CLCN5: variants seen among roughly 807,000 people sequenced by gnomAD.
CLCN5 encodes the protein Cl-/H+ antiporter 5, also known as H(+)/Cl(-) exchange transporter 5.
CLCN5 carries 17 observed loss-of-function variants against 54.0 expected under a neutral mutation model. The observed-to-expected ratio is 0.31, with a 90% CI of 0.22 to 0.47. The LOEUF (loss-of-function observed/expected upper bound fraction) is 0.47. Among genes scored for constraint, CLCN5 ranks in the 20% least tolerant of loss-of-function variants. The pLI is 1.00. For missense variants in CLCN5, 448 were observed against 646.7 expected (o/e 0.69, Z 3.33); for synonymous variants, 222 against 233.0 (o/e 0.95, Z 0.43).
At chrX:50,060,704 G>A (rs1359292742) in intron 4 of CLCN5, among the ~76,000 whole-genome samples, 8 of 112,239 alleles carry the variant, frequency 7.1e-5, no homozygotes, top group African/African-American at 2.6e-4. Context: ...TTTGGGGGCA[G>A]GGCACAGACA....
chrX:49,929,918 C>G (rs1486302265), intron 3 of CLCN5, among the ~76,000 whole-genome samples: 4 of 109,800 alleles, frequency 3.6e-5, no homozygotes, highest in South Asian at 3.8e-4. Flanking sequence ...TTAATATAAT[C>G]AGTTATATGA....
chrX:50,011,083 A>G (rs1930478277), intron 3 of CLCN5, among the ~76,000 whole-genome samples: 1 of 111,769 alleles, frequency 8.9e-6, no homozygotes. Flanking sequence ...GGTTACATCC[A>G]CAGAGACATG....
intron 3 of CLCN5, among the ~76,000 whole-genome samples, chrX:49,997,580 C>T (rs1377615462): frequency 9.0e-6 from 1 of 111,214 alleles, no homozygotes; most frequent in African/African-American, 3.3e-5. Flanking sequence ...GGCTGGAGTG[C>T]AGTGGTGCAG....
intron 6 of CLCN5, among the ~76,000 whole-genome samples, chrX:50,075,012 C>T (rs1374912994): frequency 5.4e-5 from 6 of 111,982 alleles, no homozygotes; most frequent in Admixed American, 1.9e-4. Context: ...TCCTAAGTCC[C>T]CAGTTCACGA....
intron 3 of CLCN5, among the ~76,000 whole-genome samples, chrX:49,987,179 C>T (rs1929027488): frequency 8.9e-6 from 1 of 112,399 alleles, no homozygotes; most frequent in African/African-American, 3.2e-5. Context: ...TCCCATCCCA[C>T]CTTATATTCC....
intron 3 of CLCN5, among the ~76,000 whole-genome samples, chrX:50,000,042 C>G (rs1373800496): frequency 9.0e-6 from 1 of 111,270 alleles, no homozygotes; most frequent in Non-Finnish European, 1.9e-5. Flanking sequence ...GCAAGCCTCT[C>G]AAGCTATCCC....
chrX:49,958,102 C>G (rs782103582), intron 3 of CLCN5, among the ~76,000 whole-genome samples: 1 of 111,614 alleles, frequency 9.0e-6, no homozygotes, highest in East Asian at 2.8e-4. Context: ...TTTTGCTGTC[C>G]CTTTATATAG....
At chrX:49,976,116 T>C (rs994416853) in intron 3 of CLCN5, among the ~76,000 whole-genome samples, 6 of 112,056 alleles carry the variant, frequency 5.4e-5, no homozygotes, top group African/African-American at 1.9e-4. Flanking sequence ...CTCTCTTACC[T>C]AAAGCAGTTA....
chrX:49,993,066 C>T (rs1287180233), intron 3 of CLCN5, among the ~76,000 whole-genome samples: 1 of 111,568 alleles, frequency 9.0e-6, no homozygotes, highest in African/African-American at 3.3e-5. Flanking sequence ...CTGTGAACTT[C>T]TGGCATTAGA....
chrX:50,066,951 A>T (rs1314843246), intron 4 of CLCN5, among the ~76,000 whole-genome samples: 5 of 111,970 alleles, frequency 4.5e-5, no homozygotes, highest in South Asian at 3.7e-4. Flanking sequence ...CAGTTTAAAG[A>T]ATAATTATTA....
intron 3 of CLCN5, among the ~76,000 whole-genome samples, chrX:50,007,255 G>T (rs1930196902): frequency 8.9e-6 from 1 of 112,069 alleles, no homozygotes; most frequent in Non-Finnish European, 1.9e-5. Context: ...GAGCATGCAA[G>T]GGAGGCCCAC....
At chrX:50,066,493 G>C (rs1260947968) in intron 4 of CLCN5, among the ~76,000 whole-genome samples, 1 of 111,889 alleles carries the variant, frequency 8.9e-6, no homozygotes, top group African/African-American at 3.2e-5. Flanking sequence ...CTACACATAG[G>C]GTCCAGTTAT....
intron 3 of CLCN5, among the ~76,000 whole-genome samples, chrX:49,936,982 A>G (rs995563450): frequency 1.8e-5 from 2 of 111,429 alleles, no homozygotes; most frequent in Non-Finnish European, 3.8e-5. Flanking sequence ...AATCCCAGCA[A>G]TTTAGGAGGC....
intron 3 of CLCN5, among the ~76,000 whole-genome samples, chrX:49,972,521 C>G (rs1475754755): frequency 1.8e-5 from 2 of 111,814 alleles, no homozygotes; most frequent in African/African-American, 6.5e-5. Flanking sequence ...ATCAGCTCAG[C>G]TGATCCTGCC....
intron 3 of CLCN5, among the ~76,000 whole-genome samples, chrX:49,964,501 T>A (rs1927748585): frequency 2.7e-5 from 3 of 111,271 alleles, no homozygotes; most frequent in African/African-American, 9.8e-5. Flanking sequence ...CCCAGGATTA[T>A]GTGGCTATTA....
At chrX:49,941,726 T>C (rs1207508203) in intron 3 of CLCN5, among the ~76,000 whole-genome samples, 3 of 110,474 alleles carry the variant, frequency 2.7e-5, no homozygotes, top group South Asian at 3.8e-4. Flanking sequence ...AGAAAAAATA[T>C]CTCAAAAGTT....
intron 3 of CLCN5, among the ~76,000 whole-genome samples, chrX:49,975,447 C>T (rs1311731477): frequency 2.7e-5 from 3 of 111,417 alleles, no homozygotes; most frequent in African/African-American, 9.8e-5. Context: ...CCTCCATTTA[C>T]CCTCTTCCTA....
chrX:50,089,961 C>G (rs1934031336), intron 12 of CLCN5, among the ~76,000 whole-genome samples, 155 bp from the exon 13 acceptor site: 1 of 111,879 alleles, frequency 8.9e-6, no homozygotes, highest in Non-Finnish European at 1.9e-5. Flanking sequence ...TGAATCGTCT[C>G]CATTGTGACC....
At chrX:49,972,017 A>G (rs1928240336) in intron 3 of CLCN5, among the ~76,000 whole-genome samples, 1 of 111,016 alleles carries the variant, frequency 9.0e-6, no homozygotes, top group South Asian at 3.9e-4. Flanking sequence ...ATTTGCCCAA[A>G]AAAGTACAAA....
Sources: allele counts gnomAD v4.1 joint callset (sites outside exome capture counted in the v4.1 genomes callset), GRCh38; gene constraint gnomAD v4.1.1; transcripts MANE v1.5; gene names NCBI Gene and HGNC (gene_info 2026-07-23, HGNC 2026-07-21).